The following ART3 variants were observed in gnomAD, a reference collection of about 807,000 sequenced individuals.
The protein encoded by ART3 is ecto-ADP-ribosyltransferase 3.
A neutral mutation model predicts 48.5 loss-of-function variants in ART3; 49 were observed. The ratio of observed to expected loss-of-function variants is 1.01; its 90% CI spans 0.80 to 1.28. ART3 has a LOEUF of 1.28. Among genes scored for constraint, ART3 ranks in the 50% most tolerant of loss-of-function variants. ART3 has a pLI of 0.00. For missense variants in ART3, 438 were observed against 454.3 expected, an observed-to-expected ratio of 0.96 and a Z score of 0.33; for synonymous variants, 145 against 157.2, an observed-to-expected ratio of 0.92 and a Z score of 0.58.
rs373783881 is a variant in ART3 at position 76,066,926 on chromosome 4, G to T, written c.-9-8955G>T. Among the ~76,000 whole-genome samples, 213 of 152,046 alleles carry T rather than the reference G, an allele frequency of 1.4e-3. 3 individuals are homozygous for T. In the East Asian group the frequency reaches 0.035, roughly 25 times the overall value. On this transcript the variant is annotated intron_variant, in intron 1 of 9. Transcript: ENST00000341029. Reference sequence around the variant, plus strand: ...AGGCACTTTTAAGCTTGTGAGGGCAGGGGGGCCTTCCCAGGCCCCCAAGAG... The same window carrying T: ...AGGCACTTTTAAGCTTGTGAGGGCATGGGGGCCTTCCCAGGCCCCCAAGAG...
rs993977301 is a variant in ART3 at position 76,081,846 on chromosome 4, T to G, written c.92T>G (p.Met31Arg). Residue 31 changes from methionine (M) to arginine (R), a missense_variant, in exon 3 of 12, where the codon ATG (methionine) becomes AGG (arginine). By Grantham distance (91) the Met-to-Arg change is moderately conservative (BLOSUM62 -1). Coordinates refer to ENST00000355810, the MANE Select transcript of ART3 (RefSeq NM_001130016.3). Reference sequence around the variant, plus strand: ...AAGGTGAAGGCTGAAGTGTTAGACATGGCAGATAATGCATTTGATGATGAA... The same window carrying G: ...AAGGTGAAGGCTGAAGTGTTAGACAGGGCAGATAATGCATTTGATGATGAA... ...IFQVKAEVLD[M>R]ADNAFDDEYL... 1 of 1,613,880 alleles carries G rather than the reference T, an allele frequency of 6.2e-7. No individual in the cohort carries two copies. Among genetic ancestry groups the G allele is most frequent in the Middle Eastern group, 1.7e-4 (1 of 6,058 alleles).
chr4:76,076,281 G>A (rs1175430525), intron 2 of ART3, among the ~76,000 whole-genome samples: 2 of 152,102 alleles, frequency 1.3e-5, no homozygotes, highest in African/African-American at 2.4e-5. Flanking sequence ...TGGGATTACA[G>A]GCGTGAGCCA....
chr4:76,082,562 G>A, intron 3 of ART3, 27 bp downstream of exon 3: 2 of 1,519,008 alleles, frequency 1.3e-6, no homozygotes, highest in South Asian at 2.6e-5. Flanking sequence ...TCTGTGCTTG[G>A]CTGGGAGGGA....
At chr4:76,050,647 T>C (rs878863375) in intron 1 of ART3, among the ~76,000 whole-genome samples, 18 of 151,826 alleles carry the variant, frequency 1.2e-4, no homozygotes, top group African/African-American at 2.7e-4. Flanking sequence ...GTCCCGGTGC[T>C]GTGTGCCCGC....
intron 2 of ART3, among the ~76,000 whole-genome samples, chr4:76,080,475 T>A (rs1722212676): frequency 6.6e-6 from 1 of 152,178 alleles, no homozygotes; most frequent in South Asian, 2.1e-4. Flanking sequence ...ATCCCACAGT[T>A]AAATACTATT....
At chr4:76,071,000 A>T (rs1325458407), upstream of ART3, among the ~76,000 whole-genome samples, 1 of 151,772 alleles carries the variant, frequency 6.6e-6, no homozygotes, top group Non-Finnish European at 1.5e-5. Flanking sequence ...CTATATTATT[A>T]GTTTTTTCCT....
At chr4:76,051,896 CTCTT>C (rs1332222063) in intron 1 of ART3, among the ~76,000 whole-genome samples, 6 of 100,252 alleles carry the variant, frequency 6.0e-5, no homozygotes, top group African/African-American at 2.4e-4. Flanking sequence ...CTCTCTCTCT[CTCTT>C]TTTTTTTTTT....
intron 2 of ART3, among the ~76,000 whole-genome samples, chr4:76,078,758 T>C (rs1721705778): frequency 6.6e-6 from 1 of 152,182 alleles, no homozygotes; most frequent in Non-Finnish European, 1.5e-5. Context: ...ACATTCTGAT[T>C]CTTTAGAGGC....
intron 1 of ART3, chr4:76,022,656 C>G: frequency 3.7e-6 from 6 of 1,605,682 alleles, no homozygotes; most frequent in Non-Finnish European, 5.1e-6. Context: ...ATAATTACAA[C>G]CAGGGAAGTG....
rs1734070393 is a variant in ART3, at chr4:76,033,560, C to T, written c.-10+22240C>T. 2.6e-5 allele frequency: 4 copies of T among 152,288 alleles called. No homozygotes were observed. The South Asian group carries it at 8.3e-4, about 32-fold the overall frequency. The allele number at this position is 152,288 out of a possible 1,614,324, so 9.4% of individuals were successfully genotyped here. A position where few individuals can be genotyped will look rare whatever the true frequency, so the allele number is the denominator to read the frequency against. On this transcript the variant is annotated intron_variant, in intron 1 of 9. Transcript: ENST00000341029. Reference sequence around the variant, plus strand: ...GCCGACAAAAGAAACAACTGTCTTTCCCACCTACCCATTAAAATATATTTC... The same window carrying T: ...GCCGACAAAAGAAACAACTGTCTTTTCCACCTACCCATTAAAATATATTTC...
chr4:76,097,983 A>G (rs959499692), intron 4 of ART3, among the ~76,000 whole-genome samples: 1 of 152,188 alleles, frequency 6.6e-6, no homozygotes. Flanking sequence ...TAGGAGTTTA[A>G]GGACTCCTTA....
intron 1 of ART3, among the ~76,000 whole-genome samples, chr4:76,063,186 C>T (rs1171894382): frequency 6.6e-6 from 1 of 152,030 alleles, no homozygotes; most frequent in East Asian, 1.9e-4. Flanking sequence ...CGGAAGCTTC[C>T]TGGAGGCAGG....
chr4:76,016,265 A>C (rs1385563025), intron 1 of ART3, among the ~76,000 whole-genome samples: 1 of 152,200 alleles, frequency 6.6e-6, no homozygotes, highest in African/African-American at 2.4e-5. Context: ...GTTGCTATCT[A>C]AGCCATATTT....
intron 1 of ART3, among the ~76,000 whole-genome samples, chr4:76,050,798 C>T (rs962051827): frequency 3.9e-5 from 6 of 152,326 alleles, no homozygotes; most frequent in Non-Finnish European, 8.8e-5. Flanking sequence ...CTGAGCCCTG[C>T]CCCGCAGGAA....
intron 1 of ART3, among the ~76,000 whole-genome samples, chr4:76,045,215 G>C (rs1384731738): frequency 6.6e-6 from 1 of 152,020 alleles, no homozygotes; most frequent in Non-Finnish European, 1.5e-5. Context: ...ACTTCTAAGA[G>C]ATCATCTCGG....
At chr4:76,046,916 G>A (rs1236326086) in intron 1 of ART3, among the ~76,000 whole-genome samples, 3 of 151,916 alleles carry the variant, frequency 2.0e-5, no homozygotes, top group Non-Finnish European at 2.9e-5. Flanking sequence ...TGAGAAGGCC[G>A]CGCCAGTGTC....
intron 1 of ART3, among the ~76,000 whole-genome samples, chr4:76,029,195 G>A (rs1413616308): frequency 6.6e-6 from 1 of 152,146 alleles, no homozygotes; most frequent in Non-Finnish European, 1.5e-5. Flanking sequence ...TAGTTCAGTA[G>A]TGCCTGTTAT....
chr4:76,030,939 G>A (rs529005398), intron 1 of ART3, among the ~76,000 whole-genome samples: 57 of 152,058 alleles, frequency 3.7e-4, no homozygotes, highest in Non-Finnish European at 7.2e-4. Context: ...GAACATTTGT[G>A]TACCAGTTTT....
chr4:76,056,800 T>G (rs1388979058), intron 1 of ART3, among the ~76,000 whole-genome samples: 2 of 152,192 alleles, frequency 1.3e-5, no homozygotes, highest in Non-Finnish European at 2.9e-5. Context: ...GAAATACAGA[T>G]TCTAAGTATC....
Sources: gnomAD v4.1 joint callset for allele counts (sites outside exome capture counted in the v4.1 genomes callset) on GRCh38, gnomAD v4.1.1 for gene constraint, MANE v1.5 for transcripts, NCBI Gene and HGNC (gene_info 2026-07-23, HGNC 2026-07-21) for gene names.